The following POM121L2 variants were observed in gnomAD, a reference collection of about 807,000 sequenced individuals.
POM121L2 encodes POM121-like protein 2.
For missense variants in POM121L2, 1,167 were observed against 1,260.3 expected (o/e 0.93, Z 1.12); for synonymous variants, 459 against 483.8 (o/e 0.95, Z 0.67).
chr6:27,309,428 T>TGG (rs1325907777), intron 1 of POM121L2: 1 of 1,551,362 alleles, frequency 6.4e-7, no homozygotes, highest in Non-Finnish European at 8.7e-7. Flanking sequence ...GCTCCAGAGG[T>TGG]GGGGCTCATG....
chr6:27,310,070 T>C lies in POM121L2; in HGVS notation c.2101A>G (p.Met701Val). 1.3e-6 allele frequency: 2 copies of C among 1,552,208 alleles called. No homozygotes were observed. The highest frequency in any genetic ancestry group is 1.7e-6 in the Non-Finnish European group (2 of 1,147,090). Residue 701 changes from methionine (M) to valine (V), a missense_variant, in exon 1 of 1, where the codon ATG becomes GTG. Coordinates refer to ENST00000444565, the MANE Select transcript of POM121L2 (RefSeq NM_033482.4). ...ACACTGGAAAGGACCTGGGTAAACA[T>C]GGTGACTGTATGCACAGTAGGAATT... ...PTIPTVHTVT[M>V]FTQVLSSVVQ...
In POM121L2 at chr6:27,309,377, T is replaced by C. The variant is rs1490246033; in HGVS notation, c.2794A>G (p.Met932Val). Residue 932 changes from methionine (M) to valine (V), a missense_variant, in exon 1 of 1, where the codon ATG (methionine) becomes GTG (valine). Transcript: ENST00000444565. ...CTCCAGCCTTTTCCAAAGGGGATCA[T>C]GGTGTTAGTGGTCCCACTAGGCAAT... Reference protein sequence around the residue: ...GALPSGTTNTMIPFGKGWSQN... With the variant: ...GALPSGTTNTVIPFGKGWSQN... 9.0e-6 allele frequency: 14 copies of C among 1,551,478 alleles called. No homozygotes were observed. The highest frequency in any genetic ancestry group is 1.4e-5 in the African/African-American group (1 of 73,040).
Position 27,312,144 on chromosome 6 carries a change from T to C in POM121L2, c.27A>G (p.Glu9=). ...CCTGGGCTGGGGACGAGGGCGAAAG[T>C]TCCAGTTTGCTCAGGAAACTGCCCA... is the stretch of plus-strand genomic sequence containing the variant. MGSFLSKL[E]LSPSSPAQVR... The change falls in exon 1 of 1, where the codon GAA becomes GAG. Residue 9 remains glutamate (E), a synonymous_variant. Coordinates refer to ENST00000444565, the MANE Select transcript of POM121L2 (RefSeq NM_033482.4). This position sits in a 1 kb window ranked among gnomAD's most constrained non-coding sequence, Gnocchi z 6.7. 6.9e-7 allele frequency: 1 copy of C among 1,452,864 alleles called. No individual in the cohort carries two copies. Among genetic ancestry groups the C allele is most frequent in the Non-Finnish European group, 9.1e-7 (1 of 1,101,458 alleles). The allele number at this position is 1,452,864 out of a possible 1,614,324, so 90.0% of individuals were successfully genotyped here. A position where few individuals can be genotyped will look rare whatever the true frequency, so the allele number is the denominator to read the frequency against.
chr6:27,311,470 C>A lies in POM121L2; in HGVS notation c.701G>T (p.Cys234Phe), dbSNP rs766783664. The change falls in exon 1 of 1, where the codon TGC (cysteine) becomes TTC (phenylalanine). Residue 234 changes from cysteine (C) to phenylalanine (F), a missense_variant. Cys to Phe is a radical substitution (Grantham distance 205). Transcript: ENST00000444565. ...GCTGGCCAAGGAGCTCATGGAGGAG[C>A]AATTGGGCCTCTTAGTCAAGCTGTG... The part of the protein sequence containing the change: ...SDHSLTKRPN[C>F]SSMSSLASIY... 4.5e-5 allele frequency: 70 copies of A among 1,551,708 alleles called. No individual in the cohort carries two copies. The highest frequency in any genetic ancestry group is 5.8e-5 in the Non-Finnish European group (66 of 1,147,024).
rs1235262700 is a variant in POM121L2, at chr6:27,311,871, G to A, written c.300C>T (p.Tyr100=). ...GPLPSDWWES[Y]LKRTIWSLRH... is the part of the protein sequence containing the mutation. ...GAAGAGACCAAATAGTCCGCTTTAA[G>A]TAACTTTCCCACCAGTCTGAAGGGA... Residue 100 remains tyrosine (Y), a synonymous_variant, in exon 1 of 1, where the codon TAC becomes TAT. Transcript: ENST00000444565. 4 of 1,551,652 alleles carry A rather than the reference G, an allele frequency of 2.6e-6. No homozygotes were observed. Among genetic ancestry groups the A allele is most frequent in the Non-Finnish European group, 3.5e-6 (4 of 1,147,012 alleles).
Position 27,309,667 on chromosome 6 carries a change from G to T in POM121L2, c.2504C>A (p.Ala835Asp). The T allele has an allele frequency of 6.4e-7, 1 of 1,551,756 alleles. No individual in the cohort carries two copies. The highest frequency in any genetic ancestry group is 8.7e-7 in the Non-Finnish European group (1 of 1,147,026). ...GCTGGCAGGGGTTTGAGAGGTGGAG[G>T]CTGAGGGTGTCAAACACCCCAAGGC... ...QSALGCLTPSASTSQTPASTW... is the reference protein window; with the variant it reads ...QSALGCLTPSDSTSQTPASTW... Residue 835 changes from alanine to aspartate, a missense_variant, in exon 1 of 1, where the codon GCC becomes GAC. Ala to Asp is a moderately radical substitution (Grantham distance 126, BLOSUM62 -2). Coordinates refer to ENST00000444565, the MANE Select transcript of POM121L2 (RefSeq NM_033482.4).
Position 27,312,239 on chromosome 6 carries a change from G to T in POM121L2, c.-69C>A. On this transcript the variant is annotated 5_prime_UTR_variant, in exon 1 of 1. It adds an upstream start codon to the 5' untranslated region. Coordinates refer to ENST00000444565, the MANE Select transcript of POM121L2 (RefSeq NM_033482.4). This position sits in a 1 kb window ranked among gnomAD's most constrained non-coding sequence, Gnocchi z 6.7. ...GCTTCCGAGGTTTCGGACGTCTGCA[G>T]AATCGGACAGAGTCGAAGAGCGCAG... 1 of 968,448 alleles carries T rather than the reference G, an allele frequency of 1.0e-6. No individual in the cohort carries two copies. The highest frequency in any genetic ancestry group is 1.5e-6 in the Non-Finnish European group (1 of 678,670). 60.0% of individuals were successfully genotyped at this position (968,448 alleles called of 1,614,324 possible). A position where few individuals can be genotyped will look rare whatever the true frequency, so the allele number is the denominator to read the frequency against.
Position 27,310,418 on chromosome 6 carries a change from C to G in POM121L2, c.1753G>C (p.Asp585His), listed in dbSNP as rs1760728823. The change falls in exon 1 of 1, where the codon GAT (aspartate) becomes CAT (histidine). Residue 585 changes from aspartate to histidine, a missense_variant. Transcript: ENST00000444565. ...ATCATGGGCGTAGTTTTAAGTGGAT[C>G]TATGCTGCCAAAGATAGGCTTGAAG... The part of the protein sequence containing the change: ...PTFKPIFGSI[D>H]PLKTTPMIAP... The G allele has an allele frequency of 3.2e-6, 5 of 1,552,176 alleles. No homozygotes were observed. The highest frequency in any genetic ancestry group is 4.4e-6 in the Non-Finnish European group (5 of 1,147,100).
In POM121L2 at chr6:27,309,739, G is replaced by A. The variant is rs890734977; in HGVS notation, c.2432C>T (p.Pro811Leu). Residue 811 changes from proline (P) to leucine (L), a missense_variant, in exon 1 of 1, where the codon CCC becomes CTC. Pro to Leu is a moderately conservative substitution (Grantham distance 98). Coordinates refer to ENST00000444565, the MANE Select transcript of POM121L2 (RefSeq NM_033482.4). ...GGCTGGCTGAGCTGGAGTTGGCATGGGGGTTGGCAATGCCACTGCTGAGCT... is the reference window on the plus strand; with the variant it reads ...GGCTGGCTGAGCTGGAGTTGGCATGAGGGTTGGCAATGCCACTGCTGAGCT... ...FGSSAVALPTPMPTPAQPAFI... is the reference protein window; with the variant it reads ...FGSSAVALPTLMPTPAQPAFI... 1.9e-6 allele frequency: 3 copies of A among 1,551,608 alleles called. No homozygotes were observed. The highest frequency in any genetic ancestry group is 2.7e-5 in the African/African-American group (2 of 73,042).
In POM121L2 at chr6:27,310,444, G is replaced by A. The variant is rs1760729156; in HGVS notation, c.1727C>T (p.Thr576Ile). The change falls in exon 1 of 1, where the codon ACC becomes ATC. Residue 576 changes from threonine to isoleucine, a missense_variant. Thr to Ile is a moderately conservative substitution (Grantham distance 89, BLOSUM62 -1). Coordinates refer to ENST00000444565, the MANE Select transcript of POM121L2 (RefSeq NM_033482.4). The stretch of plus-strand genomic sequence containing the variant: ...TATGCTGCCAAAGATAGGCTTGAAG[G>A]TAGGAGTTAAGGTACCCTGAATTGT... Reference protein sequence around the residue: ...LSTIQGTLTPTFKPIFGSIDP... With the variant: ...LSTIQGTLTPIFKPIFGSIDP... The A allele has an allele frequency of 2.6e-6, 4 of 1,552,260 alleles. No homozygotes were observed. Among genetic ancestry groups the A allele is most frequent in the Non-Finnish European group, 3.5e-6 (4 of 1,147,116 alleles).
chr6:27,309,399 C>G lies in POM121L2; in HGVS notation c.2772G>C (p.Leu924Phe), dbSNP rs1271468122. Residue 924 changes from leucine (L) to phenylalanine (F), a missense_variant, in exon 1 of 1, where the codon TTG becomes TTC. Transcript: ENST00000444565. The part of the protein sequence containing the change: ...PTSGAFSIGA[L>F]PSGTTNTMIP... The stretch of plus-strand genomic sequence containing the variant: ...TCATGGTGTTAGTGGTCCCACTAGG[C>G]AATGCTCCAATGCTGAAAGCTCCAG... 6.4e-7 allele frequency: 1 copy of G among 1,551,520 alleles called. No individual in the cohort carries two copies. The highest frequency in any genetic ancestry group is 1.2e-5 in the South Asian group (1 of 84,016).
Position 27,312,181 on chromosome 6 carries a change from G to A in POM121L2, c.-11C>T. 2.8e-6 allele frequency: 4 copies of A among 1,429,238 alleles called. No homozygotes were observed. The highest frequency in any genetic ancestry group is 3.7e-6 in the Non-Finnish European group (4 of 1,088,260). 88.5% of individuals were successfully genotyped at this position (1,429,238 alleles called of 1,614,324 possible). A position where few individuals can be genotyped will look rare whatever the true frequency, so the allele number is the denominator to read the frequency against. On this transcript the variant is annotated 5_prime_UTR_variant, in exon 1 of 1. Coordinates refer to ENST00000444565, the MANE Select transcript of POM121L2 (RefSeq NM_033482.4). The surrounding 1 kb of genome is among the most constrained non-coding windows in gnomAD (Gnocchi z 6.7). ...CAGGAAACTGCCCATGAGGAGAGATGAGGCGCGGGCAGTGAGTTCAAGCAC... is the reference window on the plus strand; with the variant it reads ...CAGGAAACTGCCCATGAGGAGAGATAAGGCGCGGGCAGTGAGTTCAAGCAC...
In POM121L2 at chr6:27,311,444, T is replaced by G; in HGVS notation, c.727A>C (p.Ile243Leu). Residue 243 changes from isoleucine (I) to leucine (L), a missense_variant, in exon 1 of 1, where the codon ATA becomes CTA. Ile to Leu is a conservative substitution (Grantham distance 5, BLOSUM62 2). Transcript: ENST00000444565. ...NCSSMSSLAS[I>L]YRGGTLSSKR... ...GAGCTGAGGGTGCCACCTCTGTATA[T>G]GCTGGCCAAGGAGCTCATGGAGGAG... 1 of 1,551,810 alleles carries G rather than the reference T, an allele frequency of 6.4e-7. No homozygotes were observed. The highest frequency in any genetic ancestry group is 8.7e-7 in the Non-Finnish European group (1 of 1,147,022).
Position 27,311,315 on chromosome 6 carries a change from T to C in POM121L2, c.856A>G (p.Ile286Val), listed in dbSNP as rs1308891480. ...CGATGACAACTTTTTTCCTTTTTTA[T>C]TGGCCACTCTGGTGTCTCGAATGAT... The part of the protein sequence containing the change: ...SVSFETPEWP[I>V]KKEKSCHRPS... The change falls in exon 1 of 1, where the codon ATA becomes GTA. Residue 286 changes from isoleucine to valine, a missense_variant. Coordinates refer to ENST00000444565, the MANE Select transcript of POM121L2 (RefSeq NM_033482.4). 1 of 1,551,690 alleles carries C rather than the reference T, an allele frequency of 6.4e-7. No individual in the cohort carries two copies. Among genetic ancestry groups the C allele is most frequent in the South Asian group, 1.2e-5 (1 of 84,062 alleles).
chr6:27,311,800 G>C lies in POM121L2; in HGVS notation c.371C>G (p.Pro124Arg). Residue 124 changes from proline to arginine, a missense_variant, in exon 1 of 1, where the codon CCT (proline) becomes CGT (arginine). Pro to Arg is a moderately radical substitution (Grantham distance 103). Transcript: ENST00000444565. ...IWSPVTIRIT[P>R]PDQRVPPSTS... Reference sequence around the variant, plus strand: ...GGAAGGGGGCACTCTCTGGTCAGGAGGAGTGATCCTGATGGTCACTGGGCT... The same window carrying C: ...GGAAGGGGGCACTCTCTGGTCAGGACGAGTGATCCTGATGGTCACTGGGCT... 1 of 1,551,810 alleles carries C rather than the reference G, an allele frequency of 6.4e-7. No individual in the cohort carries two copies. Among genetic ancestry groups the C allele is most frequent in the Non-Finnish European group, 8.7e-7 (1 of 1,147,004 alleles).
At chr6:27,310,829 G>A in intron 1 of POM121L2, 1 of 1,551,744 alleles carries the variant, frequency 6.4e-7, no homozygotes, top group Non-Finnish European at 8.7e-7. Context: ...AGCTCTGACT[G>A]TGAGCACCCA....
Position 27,310,156 on chromosome 6 carries a change from G to C in POM121L2, c.2015C>G (p.Ala672Gly). 6.4e-7 allele frequency: 1 copy of C among 1,551,964 alleles called. No individual in the cohort carries two copies. The highest frequency in any genetic ancestry group is 1.2e-5 in the South Asian group (1 of 84,068). ...GGCTGGGGTGAAGTCGGCCCTGAAG[G>C]CCTGAGCAGTCCCAAGCAGGAAAGT... ...CDTFLLGTAQ[A>G]FRADFTPATG... Residue 672 changes from alanine to glycine, a missense_variant, in exon 1 of 1, where the codon GCC becomes GGC. Ala to Gly is a moderately conservative substitution (Grantham distance 60, BLOSUM62 0). Coordinates refer to ENST00000444565, the MANE Select transcript of POM121L2 (RefSeq NM_033482.4).
In POM121L2 at chr6:27,309,987, C is replaced by A; in HGVS notation, c.2184G>T (p.Leu728=). The change falls in exon 1 of 1, where the codon CTG becomes CTT. Residue 728 remains leucine, a synonymous_variant. Transcript: ENST00000444565. The part of the protein sequence containing the change: ...TANFRGMGSP[L]PASALVSTNW... ...TTGTGGATACTAGGGCAGAGGCAGGCAGAGGGCTGCCCATACCCCTGAAAT... is the reference window on the plus strand; with the variant it reads ...TTGTGGATACTAGGGCAGAGGCAGGAAGAGGGCTGCCCATACCCCTGAAAT... 1 of 1,551,782 alleles carries A rather than the reference C, an allele frequency of 6.4e-7. No individual in the cohort carries two copies. The highest frequency in any genetic ancestry group is 8.7e-7 in the Non-Finnish European group (1 of 1,147,014).
Position 27,310,477 on chromosome 6 carries a change from G to A in POM121L2, c.1694C>T (p.Ser565Phe), listed in dbSNP as rs750806659. The A allele has an allele frequency of 2.0e-5, 31 of 1,552,190 alleles. No individual in the cohort carries two copies. The highest frequency in any genetic ancestry group is 2.6e-5 in the Non-Finnish European group (30 of 1,147,136). Residue 565 changes from serine to phenylalanine, a missense_variant, in exon 1 of 1, where the codon TCC becomes TTC. Transcript: ENST00000444565. ...TAAGGTACCCTGAATTGTGGAAAGG[G>A]AAGAGATTGAAGATGCTGCAGCTGT... Reference protein sequence around the residue: ...SVTAAASSISSLSTIQGTLTP... With the variant: ...SVTAAASSISFLSTIQGTLTP...
Sources: gnomAD v4.1 joint callset for allele counts on GRCh38, gnomAD v4.1.1 for gene constraint, Gnocchi (gnomAD v3.1) non-coding constraint, MANE v1.5 for transcripts, NCBI Gene and HGNC (gene_info 2026-07-23, HGNC 2026-07-21) for gene names.